The following DMD variants were observed in gnomAD, a reference collection of about 807,000 sequenced individuals.
DMD encodes the protein dystrophin.
A neutral mutation model predicts 330.1 loss-of-function variants in DMD; 63 were observed. That is an observed-to-expected ratio of 0.19 (90% CI 0.16 to 0.24). DMD has a LOEUF of 0.24. DMD is among the 10% of genes least tolerant of loss of function. The pLI, the probability that DMD is intolerant of heterozygous loss-of-function variation, is 1.00. For synonymous variants in DMD, 1,223 were observed against 959.8 expected (o/e 1.27, Z -5.07); for missense variants, 3,344 against 2,684.1 (o/e 1.25, Z -5.43).
chrX:32,216,817 T>G, intron 44 of DMD, 99 bp downstream of exon 44: 1 of 784,661 alleles, frequency 1.3e-6, no homozygotes, highest in Non-Finnish European at 1.9e-6. Flanking sequence ...CAGTCAAAAG[T>G]AATTTCCATC....
chrX:32,482,307 C>T (rs2041977381), intron 21 of DMD, among the ~76,000 whole-genome samples: 1 of 110,772 alleles, frequency 9.0e-6, no homozygotes, highest in Non-Finnish European at 1.9e-5. Flanking sequence ...ACAATTCCAC[C>T]CCCTCATCCT....
intron 23 of DMD, among the ~76,000 whole-genome samples, chrX:32,466,075 CTTA>C (rs2039996704): frequency 9.0e-6 from 1 of 110,999 alleles, no homozygotes; most frequent in Admixed American, 9.6e-5. Flanking sequence ...GCAGTTTTTT[CTTA>C]TTAAGTTTTT....
At chrX:31,859,923 T>C (rs1382453302) in intron 48 of DMD, among the ~76,000 whole-genome samples, 1 of 111,936 alleles carries the variant, frequency 8.9e-6, no homozygotes, top group Non-Finnish European at 1.9e-5. Flanking sequence ...CTGCACCGCG[T>C]TCTGTCTGCC....
chrX:31,626,757 A>C (rs750044857), intron 55 of DMD, among the ~76,000 whole-genome samples: 1 of 112,435 alleles, frequency 8.9e-6, no homozygotes, highest in Non-Finnish European at 1.9e-5. Flanking sequence ...TATTCAAACT[A>C]GAATATACTT....
At chrX:31,665,510 T>C (rs2081375911) in intron 53 of DMD, among the ~76,000 whole-genome samples, 2 of 111,683 alleles carry the variant, frequency 1.8e-5, no homozygotes, top group South Asian at 7.5e-4. Flanking sequence ...GTAAAGCCTC[T>C]CACCATTAAC....
intron 44 of DMD, among the ~76,000 whole-genome samples, chrX:31,987,412 C>T (rs936398833): frequency 1.8e-5 from 2 of 111,638 alleles, no homozygotes; most frequent in African/African-American, 3.3e-5. Context: ...CTAATCGTGA[C>T]TTTGTACCCA....
intron 47 of DMD, among the ~76,000 whole-genome samples, chrX:31,879,465 T>C (rs1306943752): frequency 1.8e-5 from 2 of 111,689 alleles, no homozygotes; most frequent in Non-Finnish European, 3.8e-5. Context: ...AGCCAAACCA[T>C]GTCAATTACT....
chrX:32,412,786 C>T (rs934998890), intron 29 of DMD, among the ~76,000 whole-genome samples: 2 of 111,282 alleles, frequency 1.8e-5, no homozygotes, highest in Non-Finnish European at 3.8e-5. Context: ...TTATCAGGTA[C>T]AATATAACTT....
In DMD at chrX:31,120,527, A is replaced by AACTC. The variant is rs2032226563; in HGVS notation, c.*1388_*1391dup. 1.8e-5 allele frequency: 2 copies of AACTC among 112,139 alleles called. No homozygotes were observed. Among genetic ancestry groups the AACTC allele is most frequent in the African/African-American group, 6.5e-5 (2 of 30,876 alleles). The allele number at this position is 112,139 out of a possible 1,213,427, so 9.2% of individuals were successfully genotyped here. On this transcript the variant is annotated 3_prime_UTR_variant, in exon 79 of 79. Coordinates refer to ENST00000357033, the MANE Select transcript of DMD (RefSeq NM_004006.3). ...TAAATTATGTCTTGTGGCATTTAAAAACTCATCCCACATGGGACAATAAAT... is the reference window on the plus strand; with the variant it reads ...TAAATTATGTCTTGTGGCATTTAAAAACTCACTCATCCCACATGGGACAATAAAT...
intron 2 of DMD, among the ~76,000 whole-genome samples, chrX:32,901,034 T>A (rs1340047600): frequency 9.0e-6 from 1 of 111,413 alleles, no homozygotes; most frequent in Non-Finnish European, 1.9e-5. Context: ...ATGTTTGGTA[T>A]ACTAAAAAAA....
intron 44 of DMD, among the ~76,000 whole-genome samples, chrX:32,157,239 T>G (rs1421295497): frequency 8.9e-6 from 1 of 112,117 alleles, no homozygotes; most frequent in Non-Finnish European, 1.9e-5. Context: ...CCTCAGTCTG[T>G]ATACACACAT....
intron 52 of DMD, among the ~76,000 whole-genome samples, chrX:31,680,091 T>C (rs2082291820): frequency 8.9e-6 from 1 of 112,033 alleles, no homozygotes; most frequent in Non-Finnish European, 1.9e-5. Flanking sequence ...AATTGGGATA[T>C]TGTTACACTA....
At chrX:31,996,161 G>A (rs765383097) in intron 44 of DMD, among the ~76,000 whole-genome samples, 26 of 112,016 alleles carry the variant, frequency 2.3e-4, no homozygotes, top group South Asian at 1.1e-3. Flanking sequence ...AGAAAATAAC[G>A]TGAATTAGAA....
chrX:31,449,813 T>TAGAA (rs10585810), intron 59 of DMD, among the ~76,000 whole-genome samples: 27 of 96,792 alleles, frequency 2.8e-4, no homozygotes, highest in African/African-American at 9.6e-4. Flanking sequence ...GATAGATAGA[T>TAGAA]AGAAATCTGG....
At position 32,699,149 on chromosome X, in the gene DMD, T is replaced by C. The variant is rs1438501472; in HGVS notation, c.794A>G (p.His265Arg). ...PRPPKVTKEE[H>R]FQLHHQMHYS... ...GTGCATTTGATGATGTAACTGAAAA[T>C]GTTCTTCTTTAGTCACTTTAGGTGG... The change falls in exon 8 of 79, where the codon CAT (histidine) becomes CGT (arginine). Residue 265 changes from histidine (H) to arginine (R), a missense_variant. His to Arg is a conservative substitution (Grantham distance 29). Coordinates refer to ENST00000357033, the MANE Select transcript of DMD (RefSeq NM_004006.3). 4 of 1,210,700 alleles carry C rather than the reference T, an allele frequency of 3.3e-6. No homozygotes were observed. Among genetic ancestry groups the C allele is most frequent in the East Asian group, 3.0e-5 (1 of 33,798 alleles).
At chrX:31,861,740 C>T (rs1363872885) in intron 48 of DMD, among the ~76,000 whole-genome samples, 1 of 97,857 alleles carries the variant, frequency 1.0e-5, no homozygotes. Context: ...GTGCTATACA[C>T]ACACACACAC....
intron 28 of DMD, 132 bp downstream of exon 28, chrX:32,441,048 A>C (rs1195721430): frequency 1.4e-6 from 1 of 707,735 alleles, no homozygotes; most frequent in Admixed American, 3.2e-5. Flanking sequence ...TATCCAAAGT[A>C]CCAGTGCTGA....
rs184745342 is a variant in DMD at position 32,620,983 on chromosome X, T to C, written c.1332-6530A>G. Among the ~76,000 whole-genome samples the C allele has an allele frequency of 2.0e-4, 22 of 111,167 alleles. No homozygotes were observed. The East Asian group carries it at 5.4e-3, about 27-fold the overall frequency. On this transcript the variant is annotated intron_variant, in intron 11 of 78. Transcript: ENST00000357033. ...TTATTGAGTACCTGGATACTACGGA[T>C]GGAGAGGCAAGGAAGACCAACACAG...
chrX:31,861,986 A>G (rs1258118293), intron 48 of DMD, among the ~76,000 whole-genome samples: 3 of 99,708 alleles, frequency 3.0e-5, no homozygotes, highest in African/African-American at 7.7e-5. Flanking sequence ...CCTACATCCT[A>G]TTCTTGGAAG....
Sources: allele counts gnomAD v4.1 joint callset (sites outside exome capture counted in the v4.1 genomes callset), GRCh38; gene constraint gnomAD v4.1.1; transcripts MANE v1.5; gene names NCBI Gene and HGNC (gene_info 2026-07-23, HGNC 2026-07-21).